Variants in GDAP2 observed in about 807,000 individuals in gnomAD.
GDAP2 encodes the protein ganglioside-induced differentiation-associated protein 2.
A neutral mutation model predicts 67.0 loss-of-function variants in GDAP2; 51 were observed. The observed-to-expected ratio is 0.76, with a 90% CI of 0.61 to 0.96. GDAP2 has a LOEUF of 0.96. Ranked by LOEUF, GDAP2 falls within the 40% of genes least tolerant of loss-of-function variation. The pLI is 0.00. For synonymous variants in GDAP2, 203 were observed against 207.3 expected, an observed-to-expected ratio of 0.98 and a Z score of 0.18; for missense variants, 547 against 588.3, an observed-to-expected ratio of 0.93 and a Z score of 0.73.
At chr1:117,890,901 T>C (rs977298166) in intron 8 of GDAP2, among the ~76,000 whole-genome samples, 1 of 151,604 alleles carries the variant, frequency 6.6e-6, no homozygotes, top group Non-Finnish European at 1.5e-5. Context: ...CAATCACAGG[T>C]TGAGCATCCC....
chr1:117,912,134 ACAC>A, intron 4 of GDAP2, 52 bp from the exon 5 acceptor site: 1 of 990,976 alleles, frequency 1.0e-6, no homozygotes, highest in Non-Finnish European at 1.6e-6. Flanking sequence ...AGTAATACAT[ACAC>A]AACAATATAT....
In GDAP2 at chr1:117,906,549, T is replaced by TC; in HGVS notation, c.592dup (p.Glu198GlyfsTer4). 1 of 1,579,628 alleles carries TC rather than the reference T, an allele frequency of 6.3e-7. No individual in the cohort carries two copies. The highest frequency in any genetic ancestry group is 8.7e-7 in the Non-Finnish European group (1 of 1,151,508). On this transcript the variant is annotated frameshift_variant, in exon 6 of 14. Coordinates refer to ENST00000369443, the MANE Select transcript of GDAP2 (RefSeq NM_017686.4). LOFTEE classifies it high-confidence loss of function. Reference sequence around the variant, plus strand: ...AGCAAATACTACTTTTTCAATGGTTTCCCCATGAATCTCTAGGAATCTTCT... The same window carrying TC: ...AGCAAATACTACTTTTTCAATGGTTTCCCCCATGAATCTCTAGGAATCTTCT...
At chr1:117,900,120 C>T (rs555213026) in intron 6 of GDAP2, among the ~76,000 whole-genome samples, 1 of 151,994 alleles carries the variant, frequency 6.6e-6, no homozygotes, top group African/African-American at 2.4e-5. Flanking sequence ...TAAAATTCAC[C>T]CTTTTAAAGT....
chr1:117,870,431 G>A lies in GDAP2; in HGVS notation c.*138C>T, dbSNP rs558021721. 3.0e-4 allele frequency: 201 copies of A among 673,978 alleles called. No individual in the cohort carries two copies. Among genetic ancestry groups the A allele is most frequent in the Non-Finnish European group, 4.6e-4 (173 of 375,626 alleles). The allele number at this position is 673,978 out of a possible 1,614,324, so 41.7% of individuals were successfully genotyped here. On this transcript the variant is annotated 3_prime_UTR_variant, in exon 14 of 14. Coordinates refer to ENST00000369443, the MANE Select transcript of GDAP2 (RefSeq NM_017686.4). The stretch of plus-strand genomic sequence containing the variant: ...TTGCTTATGTGCCAGAAAATATACA[G>A]TCAATAAAAAAATACCAGAGAGGTG...
chr1:117,907,296 C>T (rs116570751), intron 5 of GDAP2, among the ~76,000 whole-genome samples: 122 of 152,202 alleles, frequency 8.0e-4, no homozygotes, highest in African/African-American at 2.9e-3. Context: ...TTTTGATATA[C>T]TTATTCTCCT....
chr1:117,911,797 A>G (rs1298859580), intron 5 of GDAP2, among the ~76,000 whole-genome samples, 197 bp downstream of exon 5: 1 of 150,408 alleles, frequency 6.6e-6, no homozygotes, highest in Non-Finnish European at 1.5e-5. Context: ...AGGTCTCACT[A>G]TATGTTGCTC....
intron 4 of GDAP2, 108 bp downstream of exon 4, chr1:117,912,422 C>T (rs1649888096): frequency 1.1e-6 from 1 of 936,618 alleles, no homozygotes; most frequent in Non-Finnish European, 1.6e-6. Flanking sequence ...CAAAATTTGA[C>T]TTCCACTGCT....
chr1:117,905,853 T>C (rs1319970060), intron 6 of GDAP2, among the ~76,000 whole-genome samples: 1 of 152,146 alleles, frequency 6.6e-6, no homozygotes, highest in Non-Finnish European at 1.5e-5. Context: ...CACTAATAGA[T>C]AGCTAATACG....
rs1018981778 is a variant in GDAP2 at position 117,870,318 on chromosome 1, A to G, written c.*251T>C. ...ACTCAAAAGTTGCTCCCCAATTTCT[A>G]TTAACAATCTAAAAATGAACATTTC... On this transcript the variant is annotated 3_prime_UTR_variant, in exon 14 of 14. Coordinates refer to ENST00000369443, the MANE Select transcript of GDAP2 (RefSeq NM_017686.4). 1 of 480,824 alleles carries G rather than the reference A, an allele frequency of 2.1e-6. No individual in the cohort carries two copies. The highest frequency in any genetic ancestry group is 3.6e-6 in the Non-Finnish European group (1 of 274,074). The allele number at this position is 480,824 out of a possible 1,614,324, so 29.8% of individuals were successfully genotyped here.
chr1:117,919,027 G>A (rs1201803904), intron 2 of GDAP2, among the ~76,000 whole-genome samples: 3 of 151,996 alleles, frequency 2.0e-5, no homozygotes, highest in East Asian at 3.9e-4. Flanking sequence ...ATCAACTAAC[G>A]AACTGATACA....
At chr1:117,897,942 T>C (rs3767824) in intron 7 of GDAP2, among the ~76,000 whole-genome samples, 51,984 of 152,118 alleles carry the variant, frequency 0.34, 10,625 homozygotes, top group Non-Finnish European at 0.46. Context: ...CTACGGCCTA[T>C]ATCTATAACA....
chr1:117,885,695 T>G (rs1648828061), intron 10 of GDAP2, among the ~76,000 whole-genome samples: 1 of 152,192 alleles, frequency 6.6e-6, no homozygotes, highest in Non-Finnish European at 1.5e-5. Flanking sequence ...CAGAAGTAAT[T>G]ATCAGCTTTT....
intron 5 of GDAP2, among the ~76,000 whole-genome samples, chr1:117,910,788 T>G (rs1208205614): frequency 6.6e-6 from 1 of 152,186 alleles, no homozygotes; most frequent in Non-Finnish European, 1.5e-5. Context: ...GCTGTTACAG[T>G]TAGTACTACT....
At chr1:117,918,239 A>G (rs192536115) in intron 3 of GDAP2, among the ~76,000 whole-genome samples, 1 of 152,320 alleles carries the variant, frequency 6.6e-6, no homozygotes, top group Admixed American at 6.5e-5. Context: ...GTAATTTAAC[A>G]GTTTTTCAGT....
rs767478212 is a variant in GDAP2 at position 117,911,993 on chromosome 1, C to A, written c.559+1G>T. ...TGTACAGCATCTCTGATATTACTTACGAAGTGCTATGTGTGTTGCATCCTC... is the reference window on the plus strand; with the variant it reads ...TGTACAGCATCTCTGATATTACTTAAGAAGTGCTATGTGTGTTGCATCCTC... On this transcript the variant is annotated splice_donor_variant, in intron 5 of 13. Coordinates refer to ENST00000369443, the MANE Select transcript of GDAP2 (RefSeq NM_017686.4). LOFTEE classifies it high-confidence loss of function. 4 of 1,524,936 alleles carry A rather than the reference C, an allele frequency of 2.6e-6. No individual in the cohort carries two copies. Among genetic ancestry groups the A allele is most frequent in the Non-Finnish European group, 3.6e-6 (4 of 1,099,180 alleles). The allele number at this position is 1,524,936 out of a possible 1,614,324, so 94.5% of individuals were successfully genotyped here. A position where few individuals can be genotyped will look rare whatever the true frequency, so the allele number is the denominator to read the frequency against.
At chr1:117,923,559 A>G (rs1650333854) in intron 1 of GDAP2, among the ~76,000 whole-genome samples, 1 of 152,232 alleles carries the variant, frequency 6.6e-6, no homozygotes, top group South Asian at 2.1e-4. Context: ...TGTTGGTAAC[A>G]TGAAATAAAT....
chr1:117,891,324 G>C (rs747234044), intron 8 of GDAP2, among the ~76,000 whole-genome samples: 2 of 151,666 alleles, frequency 1.3e-5, no homozygotes, highest in Non-Finnish European at 2.9e-5. Flanking sequence ...CTAGGTTACA[G>C]GGAATGTTTA....
intron 8 of GDAP2, 183 bp downstream of exon 8, chr1:117,896,650 T>G (rs1003551332): frequency 2.3e-6 from 1 of 440,990 alleles, no homozygotes; most frequent in African/African-American, 2.0e-5. Context: ...CTGTGGCCAC[T>G]GATAACTTTC....
chr1:117,875,787 G>T (rs928761991), intron 13 of GDAP2, among the ~76,000 whole-genome samples: 1 of 152,218 alleles, frequency 6.6e-6, no homozygotes, highest in Non-Finnish European at 1.5e-5. Flanking sequence ...CTTATAAGGG[G>T]CCAGTTACCC....
Sources: gnomAD v4.1 joint callset for allele counts (sites outside exome capture counted in the v4.1 genomes callset) on GRCh38, gnomAD v4.1.1 for gene constraint, MANE v1.5 for transcripts, NCBI Gene and HGNC (gene_info 2026-07-23, HGNC 2026-07-21) for gene names.